The following KHDRBS2 variants were observed in gnomAD, a reference collection of about 807,000 sequenced individuals.
The protein encoded by KHDRBS2 is KH RNA binding domain containing, signal transduction associated 2.
In KHDRBS2, 26 loss-of-function variants were observed where a neutral mutation model predicts 44.3. The ratio of observed to expected loss-of-function variants is 0.59; its 90% CI spans 0.43 to 0.81. The LOEUF (loss-of-function observed/expected upper bound fraction) is 0.81, where lower values mean the gene tolerates loss of function less well. KHDRBS2 is among the 40% of genes least tolerant of loss of function. The probability of loss-of-function intolerance (pLI) is 0.00; values close to 1 mark genes in which losing one functional copy is unlikely to be tolerated. For synonymous variants in KHDRBS2, 194 were observed against 151.1 expected, an observed-to-expected ratio of 1.28 and a Z score of -2.08; for missense variants, 476 against 433.1, an observed-to-expected ratio of 1.10 and a Z score of -0.88.
At chr6:61,550,094 T>C in the KHDRBS2 span, among the ~76,000 whole-genome samples, 6 of 152,142 alleles carry the variant, frequency 3.9e-5, no homozygotes, top group South Asian at 2.1e-4. Flanking sequence ...GTAGGTTTGT[T>C]ATATGGGTAA....
the KHDRBS2 span, among the ~76,000 whole-genome samples, chr6:61,583,893 C>T: frequency 6.9e-6 from 1 of 144,862 alleles, no homozygotes; most frequent in Non-Finnish European, 1.5e-5. Flanking sequence ...TAAAATGTTT[C>T]ATAGTTTTTA....
intron 6 of KHDRBS2, among the ~76,000 whole-genome samples, chr6:61,763,723 G>T (rs989122799): frequency 7.2e-5 from 11 of 152,078 alleles, no homozygotes; most frequent in African/African-American, 2.7e-4. Context: ...AGACTTATGT[G>T]GAATCCTTAA....
intron 6 of KHDRBS2, among the ~76,000 whole-genome samples, chr6:61,852,014 G>C (rs560394988): frequency 6.6e-6 from 1 of 152,234 alleles, no homozygotes; most frequent in Non-Finnish European, 1.5e-5. Context: ...CTGAGTTCAG[G>C]AGTTCAAGAC....
chr6:62,043,465 T>C (rs1367278177), intron 3 of KHDRBS2, among the ~76,000 whole-genome samples: 1 of 152,150 alleles, frequency 6.6e-6, no homozygotes, highest in Non-Finnish European at 1.5e-5. Flanking sequence ...TCTCTAAGAA[T>C]ACTTTTTCTT....
intron 8 of KHDRBS2, among the ~76,000 whole-genome samples, chr6:61,696,794 T>C (rs898286066): frequency 1.3e-5 from 2 of 151,982 alleles, no homozygotes; most frequent in African/African-American, 4.8e-5. Flanking sequence ...AACTTGAGAG[T>C]TATTTTATAG....
chr6:61,960,920 C>T (rs6932543), intron 4 of KHDRBS2, among the ~76,000 whole-genome samples: 52,009 of 151,886 alleles, frequency 0.34, 9,070 homozygotes, highest in Middle Eastern at 0.4. Context: ...TATTTGAAGA[C>T]ACTAAAAAGT....
chr6:61,990,533 CTAGAAG>C (rs1198181550), intron 3 of KHDRBS2, among the ~76,000 whole-genome samples: 2 of 152,028 alleles, frequency 1.3e-5, no homozygotes, highest in Non-Finnish European at 2.9e-5. Context: ...ATACAAGCTT[CTAGAAG>C]TAGAACTACA....
At chr6:62,240,363 C>T in intron 1 of KHDRBS2, among the ~76,000 whole-genome samples, 1 of 151,706 alleles carries the variant, frequency 6.6e-6, no homozygotes, top group East Asian at 1.9e-4. Flanking sequence ...CCAGTCCTAC[C>T]ATCAGCCATT....
the KHDRBS2 span, among the ~76,000 whole-genome samples, chr6:61,606,487 T>A: frequency 3.9e-5 from 6 of 152,266 alleles, no homozygotes; most frequent in East Asian, 9.7e-4. Context: ...GCATAAAAAA[T>A]TTTTAAATGT....
chr6:61,670,724 C>T, the KHDRBS2 span, among the ~76,000 whole-genome samples: 1 of 140,642 alleles, frequency 7.1e-6, no homozygotes, highest in Non-Finnish European at 1.6e-5. Flanking sequence ...GATGTTTGCT[C>T]ATCTAGTTCA....
intron 4 of KHDRBS2, among the ~76,000 whole-genome samples, chr6:61,913,000 G>T (rs1238403063): frequency 7.9e-5 from 12 of 152,080 alleles, no homozygotes; most frequent in Non-Finnish European, 1.5e-5. Flanking sequence ...CTGCTAAGCT[G>T]CTTGTGTCTA....
chr6:62,089,023 G>C (rs1164648385), intron 2 of KHDRBS2, among the ~76,000 whole-genome samples: 1 of 152,076 alleles, frequency 6.6e-6, no homozygotes, highest in African/African-American at 2.4e-5. Context: ...TACACTGTGA[G>C]GGGAAAACCA....
chr6:62,005,937 CA>C (rs1562626496), intron 3 of KHDRBS2, among the ~76,000 whole-genome samples: 21 of 151,714 alleles, frequency 1.4e-4, no homozygotes. Flanking sequence ...ATACCAAATG[CA>C]ACACAGAGAT....
intron 7 of KHDRBS2, among the ~76,000 whole-genome samples, chr6:61,698,155 C>T (rs1298768382): frequency 6.6e-6 from 1 of 152,140 alleles, no homozygotes; most frequent in African/African-American, 2.4e-5. Context: ...TACTTTAGCA[C>T]CATTTAACAC....
At chr6:61,995,029 T>C (rs1334218653) in intron 3 of KHDRBS2, among the ~76,000 whole-genome samples, 1 of 152,068 alleles carries the variant, frequency 6.6e-6, no homozygotes, top group East Asian at 1.9e-4. Flanking sequence ...AAATAAGGTT[T>C]GAAGTAGAAG....
chr6:61,903,001 T>C (rs900030112), intron 4 of KHDRBS2, among the ~76,000 whole-genome samples: 21 of 152,202 alleles, frequency 1.4e-4, no homozygotes, highest in African/African-American at 5.1e-4. Context: ...AGCACCTGAT[T>C]ATAGTGATAA....
rs140460991 is a variant in KHDRBS2, at chr6:61,782,823, C to T, written c.811-50059G>A. Among the ~76,000 whole-genome samples the T allele has an allele frequency of 4.7e-3, 705 of 150,308 alleles. 1 individual carries two copies. The highest frequency in any genetic ancestry group is 7.8e-3 in the Non-Finnish European group (531 of 67,676). ...CTGATCTAGGTTGAGCATGGCTGGA[C>T]TTACTTCAAACTGATGGTTGGGTCC... On this transcript the variant is annotated intron_variant, in intron 6 of 8. Transcript: ENST00000281156.
At chr6:61,861,967 T>C (rs186102887) in intron 6 of KHDRBS2, among the ~76,000 whole-genome samples, 50 of 152,244 alleles carry the variant, frequency 3.3e-4, no homozygotes, top group African/African-American at 1.1e-3. Context: ...TTTATTCTTT[T>C]TGTGGCACCT....
chr6:61,673,938 T>G, the KHDRBS2 span, among the ~76,000 whole-genome samples: 2 of 151,340 alleles, frequency 1.3e-5, no homozygotes, highest in African/African-American at 4.8e-5. Flanking sequence ...AAAGTTCATA[T>G]GGAACCAAAA....
Sources: gnomAD v4.1 joint callset for allele counts (sites outside exome capture counted in the v4.1 genomes callset) on GRCh38, gnomAD v4.1.1 for gene constraint, MANE v1.5 for transcripts, NCBI Gene and HGNC (gene_info 2026-07-23, HGNC 2026-07-21) for gene names.